Variants in TPO observed in about 807,000 individuals in gnomAD.
TPO encodes the protein thyroid microsomal antigen.
Under a neutral mutation model 96.9 loss-of-function variants are expected in TPO, and 78 were observed. That is an observed-to-expected ratio of 0.81 (90% CI 0.67 to 0.97). The LOEUF is 0.97. TPO is among the 50% of genes least tolerant of loss of function. TPO has a pLI of 0.00. For missense variants in TPO, 1,252 were observed against 1,274.8 expected, an observed-to-expected ratio of 0.98 and a Z score of 0.27; for synonymous variants, 547 against 538.0, an observed-to-expected ratio of 1.02 and a Z score of -0.23.
intron 7 of TPO, among the ~76,000 whole-genome samples, chr2:1,472,897 A>G (rs145925509): frequency 5.0e-4 from 74 of 146,970 alleles, no homozygotes; most frequent in African/African-American, 1.8e-3. Context: ...CTTTCCCTGA[A>G]TATTAGTGAA....
intron 5 of TPO, among the ~76,000 whole-genome samples, chr2:1,444,370 A>G (rs1251168501): frequency 9.3e-4 from 95 of 102,092 alleles, no homozygotes; most frequent in African/African-American, 1.5e-3. Flanking sequence ...AAGGGAATGG[A>G]GCTGGCTCCT....
chr2:1,510,253 C>T (rs1030706808), intron 14 of TPO, among the ~76,000 whole-genome samples: 1 of 152,206 alleles, frequency 6.6e-6, no homozygotes, highest in African/African-American at 2.4e-5. Flanking sequence ...CAGAGAGGAG[C>T]TCAGCTGCTT....
intron 7 of TPO, among the ~76,000 whole-genome samples, chr2:1,463,363 TC>T (rs1157534287): frequency 6.6e-6 from 1 of 152,334 alleles, no homozygotes; most frequent in East Asian, 1.9e-4. Context: ...ACATCATAAA[TC>T]AGTGCTTTTA....
intron 1 of TPO, among the ~76,000 whole-genome samples, chr2:1,378,549 G>T (rs1361136457): frequency 6.6e-6 from 1 of 152,260 alleles, no homozygotes; most frequent in Non-Finnish European, 1.5e-5. Context: ...GGGGCTGTGA[G>T]TCAGGTGTCT....
At position 1,542,841 on chromosome 2, in the gene TPO, C is replaced by G; in HGVS notation, c.*367C>G. 2.5e-6 allele frequency: 1 copy of G among 407,762 alleles called. No individual in the cohort carries two copies. Among genetic ancestry groups the G allele is most frequent in the Non-Finnish European group, 4.5e-6 (1 of 220,786 alleles). 25.3% of individuals were successfully genotyped at this position (407,762 alleles called of 1,614,324 possible). On this transcript the variant is annotated 3_prime_UTR_variant, in exon 17 of 17. Transcript: ENST00000329066. ...CACTCTGCCCCGGCGGTCCCTCCAG[C>G]ACTGGTTTTTCCACACCCCCTGCCC...
In TPO at chr2:1,462,543, G is replaced by T. The variant is rs1445758270; in HGVS notation, c.819+6261G>T. On this transcript the variant is annotated intron_variant, in intron 7 of 16. Transcript: ENST00000329066. ...ACACACACACACACACACACACACA[G>T]ATATCAATGAAAGATAAATGAACAG... 3.1e-5 allele frequency among the ~76,000 whole-genome samples: 4 copies of T among 128,236 alleles called. No homozygotes were observed. The East Asian group carries it at 1.1e-3, about 34-fold the overall frequency. The allele number at this position is 128,236 out of a possible 152,430, so 84.1% of individuals were successfully genotyped here. A position where few individuals can be genotyped will look rare whatever the true frequency, so the allele number is the denominator to read the frequency against.
intron 7 of TPO, among the ~76,000 whole-genome samples, chr2:1,458,412 GTA>G (rs1668087876): frequency 2.6e-5 from 4 of 151,720 alleles, no homozygotes; most frequent in African/African-American, 9.7e-5. Flanking sequence ...GGACATGTGT[GTA>G]TATGGCATAT....
chr2:1,413,866 T>A (rs1465967207), intron 1 of TPO: 4 of 426,558 alleles, frequency 9.4e-6, no homozygotes, highest in African/African-American at 8.6e-5. Context: ...AACAAGGATT[T>A]GAAAGTAGAA....
At chr2:1,437,747 C>G (rs1361792514) in intron 5 of TPO, among the ~76,000 whole-genome samples, 1 of 152,168 alleles carries the variant, frequency 6.6e-6, no homozygotes, top group Non-Finnish European at 1.5e-5. Flanking sequence ...ACTGCGGAGC[C>G]CCGGCTGGAA....
rs1396628599 is a variant in TPO at position 1,542,596 on chromosome 2, T to A, written c.*122T>A. On this transcript the variant is annotated 3_prime_UTR_variant, in exon 17 of 17. Transcript: ENST00000329066. The stretch of plus-strand genomic sequence containing the variant: ...ACTGTTTTCCCAACACGGGTAAATC[T>A]AGTACCATGTCGTAGTTACTCTCAG... 7.1e-6 allele frequency: 11 copies of A among 1,558,626 alleles called. No individual in the cohort carries two copies. Among genetic ancestry groups the A allele is most frequent in the Non-Finnish European group, 7.0e-6 (8 of 1,150,412 alleles).
intron 7 of TPO, among the ~76,000 whole-genome samples, chr2:1,460,938 T>G (rs1668369017): frequency 6.6e-6 from 1 of 152,058 alleles, no homozygotes; most frequent in Non-Finnish European, 1.5e-5. Flanking sequence ...TCTCCTGGAG[T>G]TTCGCTGGTT....
intron 15 of TPO, among the ~76,000 whole-genome samples, chr2:1,524,426 C>G (rs868197918): frequency 3.8e-5 from 4 of 105,196 alleles, no homozygotes; most frequent in Admixed American, 1.0e-4. Context: ...CCATTGTGTG[C>G]AACCCCCCCA....
intron 3 of TPO, among the ~76,000 whole-genome samples, chr2:1,428,310 G>C (rs565452097): frequency 6.6e-6 from 1 of 152,290 alleles, no homozygotes; most frequent in South Asian, 2.1e-4. Context: ...TGGCTTGTGG[G>C]GTGGTTGAAG....
At chr2:1,412,328 G>C (rs59161830), upstream of TPO, among the ~76,000 whole-genome samples, 47 of 152,252 alleles carry the variant, frequency 3.1e-4, no homozygotes, top group East Asian at 8.5e-3. Context: ...ACTCATCATT[G>C]AGCCATGGAA....
At chr2:1,489,933 A>G (rs58495756) in intron 10 of TPO, among the ~76,000 whole-genome samples, 5,154 of 140,336 alleles carry the variant, frequency 0.037, 208 homozygotes, top group East Asian at 0.1. Flanking sequence ...AGCACACAGG[A>G]GGAGTCACGA....
At chr2:1,508,519 C>G (rs1168558515) in intron 14 of TPO, among the ~76,000 whole-genome samples, 6 of 152,114 alleles carry the variant, frequency 3.9e-5, no homozygotes, top group Non-Finnish European at 8.8e-5. Flanking sequence ...TGGTCCTGGA[C>G]TTTTTTTGGT....
In TPO at chr2:1,527,365, C is replaced by T. The variant is rs1208682602; in HGVS notation, c.2618+10383C>T. On this transcript the variant is annotated intron_variant, in intron 15 of 16. Coordinates refer to ENST00000329066, the MANE Select transcript of TPO (RefSeq NM_001206744.2). Reference sequence around the variant, plus strand: ...CCCCCCGTGAGCAACCTCCCCAAATCCCCGCACTGTGTGCAACCACCCCAA... The same window carrying T: ...CCCCCCGTGAGCAACCTCCCCAAATTCCCGCACTGTGTGCAACCACCCCAA... 2.2e-5 allele frequency among the ~76,000 whole-genome samples: 3 copies of T among 137,044 alleles called. 1 individual carries two copies. In the East Asian group the frequency reaches 8.1e-4, roughly 37 times the overall value. The allele number at this position is 137,044 out of a possible 152,430, so 89.9% of individuals were successfully genotyped here.
intron 1 of TPO, among the ~76,000 whole-genome samples, chr2:1,402,327 A>G (rs1662185416): frequency 6.6e-6 from 1 of 152,178 alleles, no homozygotes. Flanking sequence ...GGGAAGGCAC[A>G]GGAAGCAAGA....
At chr2:1,446,284 T>C (rs1666810874) in intron 5 of TPO, among the ~76,000 whole-genome samples, 1 of 152,226 alleles carries the variant, frequency 6.6e-6, no homozygotes, top group African/African-American at 2.4e-5. Context: ...TGGTAACCCC[T>C]GGGCCTGGCT....
Sources: gnomAD v4.1 joint callset for allele counts (sites outside exome capture counted in the v4.1 genomes callset) on GRCh38, gnomAD v4.1.1 for gene constraint, MANE v1.5 for transcripts, NCBI Gene and HGNC (gene_info 2026-07-23, HGNC 2026-07-21) for gene names.